The following LIFR variants were observed in gnomAD, a reference collection of about 807,000 sequenced individuals.
The protein encoded by LIFR is leukemia inhibitory factor receptor.
In LIFR, 84 loss-of-function variants were observed where a neutral mutation model predicts 122.2. The observed-to-expected ratio is 0.69, with a 90% CI of 0.58 to 0.82. The LOEUF is 0.82. LIFR is among the 40% of genes least tolerant of loss of function. The pLI, the probability that LIFR is intolerant of heterozygous loss-of-function variation, is 0.00. For missense variants in LIFR, 1,294 were observed against 1,311.6 expected (o/e 0.99, Z 0.21); for synonymous variants, 422 against 434.7 (o/e 0.97, Z 0.36).
chr5:38,511,798 T>C lies in LIFR; in HGVS notation c.728A>G (p.Asn243Ser), dbSNP rs771895582. Residue 243 changes from asparagine (N) to serine (S), a missense_variant, in exon 6 of 20, where the codon AAC (asparagine) becomes AGC (serine). Asn to Ser is a conservative substitution (Grantham distance 46). Coordinates refer to ENST00000453190, the MANE Select transcript of LIFR (RefSeq NM_001127671.2). ...EEWSDWSPVK[N>S]ISWIPDSQTK... Reference sequence around the variant, plus strand: ...TTTAAATATAAGCTTACAAGAAATGTTCTTCACAGGGCTCCAGTCACTCCA... The same window carrying C: ...TTTAAATATAAGCTTACAAGAAATGCTCTTCACAGGGCTCCAGTCACTCCA... The C allele has an allele frequency of 4.3e-6, 7 of 1,613,828 alleles. No individual in the cohort carries two copies. The Admixed American group carries it at 1.2e-4, about 27-fold the overall frequency.
At chr5:38,526,932 A>G (rs1021084780) in intron 4 of LIFR, among the ~76,000 whole-genome samples, 2 of 152,188 alleles carry the variant, frequency 1.3e-5, no homozygotes, top group Non-Finnish European at 2.9e-5. Flanking sequence ...AAGAAAGAGT[A>G]TGGAACTGAG....
At chr5:38,580,600 C>T (rs942797034) in intron 1 of LIFR, among the ~76,000 whole-genome samples, 1 of 152,158 alleles carries the variant, frequency 6.6e-6, no homozygotes, top group African/African-American at 2.4e-5. Flanking sequence ...CTCCTAGCTT[C>T]GGTCCCGTAT....
chr5:38,481,049 T>A lies in LIFR; in HGVS notation c.*546A>T. The A allele has an allele frequency of 4.4e-6, 1 of 229,830 alleles. No homozygotes were observed. The highest frequency in any genetic ancestry group is 6.6e-5 in the East Asian group (1 of 15,240). The allele number at this position is 229,830 out of a possible 1,614,324, so 14.2% of individuals were successfully genotyped here. A position where few individuals can be genotyped will look rare whatever the true frequency, so the allele number is the denominator to read the frequency against. On this transcript the variant is annotated 3_prime_UTR_variant, in exon 20 of 20. Transcript: ENST00000453190. ...AAACAAAACACTAAATCGCTGTCAC[T>A]ACATTAAAAATTATATTAATTTTTG...
intron 5 of LIFR, among the ~76,000 whole-genome samples, chr5:38,518,043 T>G (rs1164808144): frequency 6.6e-6 from 1 of 151,030 alleles, no homozygotes; most frequent in Non-Finnish European, 1.5e-5. Flanking sequence ...CCTTAGGAGT[T>G]TGAGGCTGCA....
rs749875246 is a variant in LIFR, at chr5:38,506,043, C to T, written c.1153G>A (p.Ala385Thr). The change falls in exon 9 of 20, where the codon GCT becomes ACT. Residue 385 changes from alanine to threonine, a missense_variant. Physicochemically the swap from Ala to Thr is moderately conservative, Grantham distance 58. Coordinates refer to ENST00000453190, the MANE Select transcript of LIFR (RefSeq NM_001127671.2). ...FSGKYVRLKR[A>T]EAPTNESYQL... is the part of the protein sequence containing the mutation. ...TAGCTTTCGTTTGTAGGTGCTTCAGCTCTTTTAAGTCTAACATATTTTCCT... is the reference window on the plus strand; with the variant it reads ...TAGCTTTCGTTTGTAGGTGCTTCAGTTCTTTTAAGTCTAACATATTTTCCT... 1 of 1,601,060 alleles carries T rather than the reference C, an allele frequency of 6.2e-7. No homozygotes were observed. Among genetic ancestry groups the T allele is most frequent in the Non-Finnish European group, 8.5e-7 (1 of 1,171,912 alleles).
intron 4 of LIFR, among the ~76,000 whole-genome samples, chr5:38,526,391 T>TA (rs1168535808): frequency 6.6e-6 from 1 of 151,514 alleles, no homozygotes; most frequent in East Asian, 1.9e-4. Context: ...TTTTCATGCT[T>TA]ACACATGGTA....
Position 38,481,953 on chromosome 5 carries a change from G to C in LIFR, c.2936C>G (p.Ser979Trp). The C allele has an allele frequency of 6.2e-7, 1 of 1,613,962 alleles. No individual in the cohort carries two copies. Among genetic ancestry groups the C allele is most frequent in the Non-Finnish European group, 8.5e-7 (1 of 1,180,022 alleles). Residue 979 changes from serine (S) to tryptophan (W), a missense_variant, in exon 20 of 20, where the codon TCG (serine) becomes TGG (tryptophan). By Grantham distance (177) the Ser-to-Trp change is radical (BLOSUM62 -3). Coordinates refer to ENST00000453190, the MANE Select transcript of LIFR (RefSeq NM_001127671.2). The part of the protein sequence containing the change: ...TAQVIYIDVQ[S>W]MYQPQAKPEE... ...TGGTTTTGCTTGAGGCTGATACATC[G>C]ACTGAACATCAATGTAAATAACCTG...
Position 38,530,658 on chromosome 5 carries a change from C to T in LIFR, c.-11G>A. 6.2e-7 allele frequency: 1 copy of T among 1,613,580 alleles called. No individual in the cohort carries two copies. Among genetic ancestry groups the T allele is most frequent in the Admixed American group, 1.7e-5 (1 of 60,012 alleles). On this transcript the variant is annotated 5_prime_UTR_variant, in exon 2 of 20. Coordinates refer to ENST00000453190, the MANE Select transcript of LIFR (RefSeq NM_001127671.2). ...GTAAATATCCATCATCTGTGCAATG[C>T]AGTCAGTCCTAGGTTAGGAGAGGAA...
At chr5:38,565,906 A>AG (rs1357632916) in intron 1 of LIFR, among the ~76,000 whole-genome samples, 1 of 152,154 alleles carries the variant, frequency 6.6e-6, no homozygotes, top group African/African-American at 2.4e-5. Context: ...TTTAAAACTT[A>AG]GTGTTCAACA....
intron 1 of LIFR, among the ~76,000 whole-genome samples, chr5:38,585,040 T>C (rs1463073120): frequency 6.6e-6 from 1 of 152,216 alleles, no homozygotes; most frequent in East Asian, 1.9e-4. Flanking sequence ...CAAAGAAATA[T>C]TCTTCATAGG....
rs1352773247 is a variant in LIFR, at chr5:38,477,667, T to G, written c.*3928A>C. The G allele has an allele frequency of 4.6e-6, 1 of 216,174 alleles. No homozygotes were observed. Among genetic ancestry groups the G allele is most frequent in the Admixed American group, 5.8e-5 (1 of 17,146 alleles). 13.4% of individuals were successfully genotyped at this position (216,174 alleles called of 1,614,324 possible). A position where few individuals can be genotyped will look rare whatever the true frequency, so the allele number is the denominator to read the frequency against. ...CGTGGAGTCACTTCCGAAGTAGATTTGAATCTTTGAGTCAATAGTCTCAGA... is the reference window on the plus strand; with the variant it reads ...CGTGGAGTCACTTCCGAAGTAGATTGGAATCTTTGAGTCAATAGTCTCAGA... On this transcript the variant is annotated 3_prime_UTR_variant, in exon 20 of 20. Coordinates refer to ENST00000453190, the MANE Select transcript of LIFR (RefSeq NM_001127671.2).
chr5:38,581,789 G>A (rs1749589910), intron 1 of LIFR, among the ~76,000 whole-genome samples: 1 of 152,144 alleles, frequency 6.6e-6, no homozygotes, highest in Admixed American at 6.5e-5. Context: ...GACCTTAAAT[G>A]GGGCAGGGAA....
At chr5:38,587,759 A>G (rs1749797773) in intron 1 of LIFR, among the ~76,000 whole-genome samples, 1 of 152,236 alleles carries the variant, frequency 6.6e-6, no homozygotes, top group South Asian at 2.1e-4. Flanking sequence ...CCAGCGGGCT[A>G]GATTCCCACC....
chr5:38,484,897 A>G, intron 17 of LIFR, 29 bp from the exon 18 acceptor site: 3 of 1,489,858 alleles, frequency 2.0e-6, no homozygotes, highest in Admixed American at 1.7e-5. Flanking sequence ...AAATATTAAA[A>G]TCGCCATTTT....
chr5:38,601,108 G>A (rs558259522), intron 2 of LIFR, among the ~76,000 whole-genome samples: 33 of 152,290 alleles, frequency 2.2e-4, no homozygotes, highest in African/African-American at 6.7e-4. Flanking sequence ...AGAAAGTGGG[G>A]TCTTTGGAAG....
chr5:38,488,639 G>A (rs1744412969), intron 16 of LIFR, among the ~76,000 whole-genome samples: 1 of 152,162 alleles, frequency 6.6e-6, no homozygotes, highest in South Asian at 2.1e-4. Context: ...CTTATCAAGG[G>A]CATGGCTAAG....
chr5:38,498,737 C>T (rs1561145571), intron 12 of LIFR, among the ~76,000 whole-genome samples: 1 of 152,140 alleles, frequency 6.6e-6, no homozygotes, highest in Non-Finnish European at 1.5e-5. Flanking sequence ...TGAAATCTGA[C>T]AGGCAACTGA....
At chr5:38,534,327 G>A (rs1747177526) in intron 1 of LIFR, among the ~76,000 whole-genome samples, 1 of 152,204 alleles carries the variant, frequency 6.6e-6, no homozygotes, top group African/African-American at 2.4e-5. Flanking sequence ...GAAGTGAAGT[G>A]TAGGGGCTCT....
chr5:38,484,315 A>G (rs576058880), intron 18 of LIFR, among the ~76,000 whole-genome samples: 4 of 152,178 alleles, frequency 2.6e-5, no homozygotes, highest in East Asian at 1.9e-4. Flanking sequence ...CTCCAAGTCT[A>G]TAAGAGCCAT....
Sources: gnomAD v4.1 joint callset for allele counts (sites outside exome capture counted in the v4.1 genomes callset) on GRCh38, gnomAD v4.1.1 for gene constraint, MANE v1.5 for transcripts, NCBI Gene and HGNC (gene_info 2026-07-23, HGNC 2026-07-21) for gene names.